The following CDC14B variants were observed in gnomAD, a reference collection of about 807,000 sequenced individuals.
CDC14B encodes cell division cycle 14B, also known as dual specificity protein phosphatase CDC14B.
A neutral mutation model predicts 64.2 loss-of-function variants in CDC14B; 22 were observed. The ratio of observed to expected loss-of-function variants is 0.34; its 90% CI spans 0.24 to 0.49. The LOEUF (loss-of-function observed/expected upper bound fraction) is 0.49, where lower values mean the gene tolerates loss of function less well. Ranked by LOEUF, CDC14B falls within the 20% of genes least tolerant of loss-of-function variation. The pLI, the probability that CDC14B is intolerant of heterozygous loss-of-function variation, is 0.99. For synonymous variants in CDC14B, 191 were observed against 215.8 expected, an observed-to-expected ratio of 0.89 and a Z score of 1.01; for missense variants, 498 against 629.9, an observed-to-expected ratio of 0.79 and a Z score of 2.24.
At chr9:96,495,910 G>C (rs1044260176), downstream of CDC14B, among the ~76,000 whole-genome samples, 3 of 152,152 alleles carry the variant, frequency 2.0e-5, no homozygotes, top group African/African-American at 7.2e-5. Context: ...GCACACCTGG[G>C]GTGTGTGGCC....
At chr9:96,599,288 G>A (rs1335931403) in intron 1 of CDC14B, among the ~76,000 whole-genome samples, 2 of 151,946 alleles carry the variant, frequency 1.3e-5, no homozygotes, top group African/African-American at 4.8e-5. Flanking sequence ...AGCTGAGGCA[G>A]GAGAATCACT....
chr9:96,532,115 A>G (rs532790766), intron 9 of CDC14B, among the ~76,000 whole-genome samples: 1 of 152,322 alleles, frequency 6.6e-6, no homozygotes, highest in Admixed American at 6.5e-5. Context: ...TACAAGTTAC[A>G]GTAATAATAT....
intron 12 of CDC14B, among the ~76,000 whole-genome samples, chr9:96,513,401 G>C (rs1394577159): frequency 6.6e-6 from 1 of 152,198 alleles, no homozygotes. Flanking sequence ...CAGGGAACCC[G>C]GGCACTCGCG....
At chr9:96,536,582 T>C (rs928420479) in intron 7 of CDC14B, among the ~76,000 whole-genome samples, 3 of 152,236 alleles carry the variant, frequency 2.0e-5, no homozygotes, top group African/African-American at 7.2e-5. Flanking sequence ...TATTCTTACA[T>C]CTTTGGTACA....
intron 1 of CDC14B, chr9:96,618,774 C>T: frequency 5.6e-6 from 2 of 356,594 alleles, no homozygotes; most frequent in South Asian, 4.2e-5. Flanking sequence ...AGCTCCCGTG[C>T]CAGGCGCGTT....
chr9:96,567,117 G>A, intron 1 of CDC14B: 1 of 625,882 alleles, frequency 1.6e-6, no homozygotes, highest in Non-Finnish European at 2.5e-6. Context: ...AGCTGGGAAC[G>A]CGGGGCGGCC....
intron 5 of CDC14B, among the ~76,000 whole-genome samples, chr9:96,544,897 G>A (rs1367215962): frequency 2.0e-5 from 3 of 152,084 alleles, no homozygotes; most frequent in Admixed American, 2.0e-4. Flanking sequence ...AAAAGGCCAC[G>A]ATTTTACCAA....
In CDC14B at chr9:96,619,331, G is replaced by C. The variant is rs1847837478; in HGVS notation, c.48C>G (p.Pro16=). ...ERRSSWAAAP[P]CSRRCSSTSP... ...AGGTCGACGAGCAGCGCCGCGAGCA[G>C]GGGGGCGCGGCGGCCCAGCTCGACC... The change falls in exon 1 of 14, where the codon CCC becomes CCG. Residue 16 remains proline (P), a synonymous_variant. Coordinates refer to ENST00000375241, the MANE Select transcript of CDC14B (RefSeq NM_033331.4). The C allele has an allele frequency of 1.6e-6, 2 of 1,280,118 alleles. No homozygotes were observed. Among genetic ancestry groups the C allele is most frequent in the Non-Finnish European group, 9.9e-7 (1 of 1,009,626 alleles). The allele number at this position is 1,280,118 out of a possible 1,614,324, so 79.3% of individuals were successfully genotyped here.
At chr9:96,578,722 T>C (rs1844953522) in intron 1 of CDC14B, among the ~76,000 whole-genome samples, 1 of 152,314 alleles carries the variant, frequency 6.6e-6, no homozygotes, top group South Asian at 2.1e-4. Context: ...CTAAATGCAA[T>C]GTGGATTGAA....
chr9:96,566,909 C>A (rs548020631), intron 1 of CDC14B: 32 of 1,545,206 alleles, frequency 2.1e-5, no homozygotes, highest in Non-Finnish European at 2.7e-5. Flanking sequence ...GTTTAAAAAA[C>A]AAAGTTTAAA....
intron 4 of CDC14B, among the ~76,000 whole-genome samples, chr9:96,556,828 A>G (rs953926200): frequency 6.6e-6 from 1 of 152,148 alleles, no homozygotes; most frequent in African/African-American, 2.4e-5. Context: ...AACTATTTAT[A>G]ATGCTCTGTG....
chr9:96,499,835 G>A (rs570505335), downstream of CDC14B, among the ~76,000 whole-genome samples: 7 of 152,320 alleles, frequency 4.6e-5, no homozygotes, highest in East Asian at 1.9e-4. Context: ...CCAGGGCCAC[G>A]CAGGCACCAA....
chr9:96,511,864 A>G (rs1333549194), intron 12 of CDC14B, among the ~76,000 whole-genome samples: 2 of 152,208 alleles, frequency 1.3e-5, no homozygotes, highest in African/African-American at 4.8e-5. Context: ...AGACCAAGGC[A>G]GGAGGATCAC....
At chr9:96,619,098 T>A in intron 1 of CDC14B, 121 bp downstream of exon 1, 1 of 635,482 alleles carries the variant, frequency 1.6e-6, no homozygotes, top group Non-Finnish European at 2.0e-6. Context: ...TTTAAGGGGG[T>A]GGGGGCGAAG....
chr9:96,611,231 A>T (rs1378008993), intron 1 of CDC14B, among the ~76,000 whole-genome samples: 5 of 152,238 alleles, frequency 3.3e-5, no homozygotes, highest in African/African-American at 9.6e-5. Flanking sequence ...TTCAAAAGTA[A>T]TCCCTGCCTA....
rs772460843 is a variant in CDC14B at position 96,606,332 on chromosome 9, C to CAAA, written c.160+12884_160+12886dup. 1.3e-3 allele frequency among the ~76,000 whole-genome samples: 27 copies of CAAA among 21,032 alleles called. 3 individuals are homozygous for CAAA. Among genetic ancestry groups the CAAA allele is most frequent in the African/African-American group, 2.5e-3 (23 of 9,182 alleles). The allele number at this position is 21,032 out of a possible 152,430, so 13.8% of individuals were successfully genotyped here. ...TGGGGAACAGGGCAAGACTCCATCT[C>CAAA]AAAAAAAAAAAAAAAAAAAAAAAAA... On this transcript the variant is annotated intron_variant, in intron 1 of 13. Transcript: ENST00000375241.
intron 1 of CDC14B, among the ~76,000 whole-genome samples, chr9:96,590,599 A>C (rs2118586076): frequency 6.6e-6 from 1 of 151,660 alleles, no homozygotes; most frequent in African/African-American, 2.4e-5. Context: ...TCCCACCAAA[A>C]GTGTACAAGA....
intron 1 of CDC14B, among the ~76,000 whole-genome samples, chr9:96,598,582 G>A (rs1195004462): frequency 6.6e-6 from 1 of 152,066 alleles, no homozygotes; most frequent in Non-Finnish European, 1.5e-5. Context: ...TGATCCACCT[G>A]CCTCGGCCTC....
In CDC14B at chr9:96,502,570, A is replaced by C; in HGVS notation, c.*1183T>G. ...TATGGAAGGAACTGAGGTGAGTACT[A>C]TATATTCTTTTATTTCGGGCCCCAT... On this transcript the variant is annotated 3_prime_UTR_variant, in exon 14 of 14. Coordinates refer to ENST00000375241, the MANE Select transcript of CDC14B (RefSeq NM_033331.4). 4.0e-6 allele frequency: 1 copy of C among 249,508 alleles called. No homozygotes were observed. Among genetic ancestry groups the C allele is most frequent in the East Asian group, 6.7e-5 (1 of 15,008 alleles). The allele number at this position is 249,508 out of a possible 1,614,324, so 15.5% of individuals were successfully genotyped here.
Sources: gnomAD v4.1 joint callset for allele counts (sites outside exome capture counted in the v4.1 genomes callset) on GRCh38, gnomAD v4.1.1 for gene constraint, MANE v1.5 for transcripts, NCBI Gene and HGNC (gene_info 2026-07-23, HGNC 2026-07-21) for gene names.